Variants in MTCL2 observed in about 807,000 individuals in gnomAD.
The protein encoded by MTCL2 is microtubule cross-linking factor 2.
chr20:36,832,949 C>A, the MTCL2 span, among the ~76,000 whole-genome samples: 1 of 152,190 alleles, frequency 6.6e-6, no homozygotes, highest in African/African-American at 2.4e-5. Context: ...TGGTCCTGGG[C>A]CCCCTCGGCC....
the MTCL2 span, among the ~76,000 whole-genome samples, chr20:36,852,112 A>C: frequency 6.6e-6 from 1 of 152,144 alleles, no homozygotes; most frequent in Non-Finnish European, 1.5e-5. Flanking sequence ...AGACCAACCC[A>C]GAAGAATGAC....
the MTCL2 span, chr20:36,797,036 G>A: frequency 1.8e-4 from 219 of 1,207,856 alleles, no homozygotes; most frequent in African/African-American, 2.8e-4. Flanking sequence ...CCCGACCTCA[G>A]TGCTTGAATC....
the MTCL2 span, chr20:36,812,827 G>A: frequency 6.2e-7 from 1 of 1,612,492 alleles, no homozygotes; most frequent in East Asian, 2.2e-5. Flanking sequence ...ATTCCGGCAG[G>A]TCCCTGAAGT....
the MTCL2 span, chr20:36,810,163 A>G: frequency 6.5e-7 from 1 of 1,532,196 alleles, no homozygotes; most frequent in South Asian, 1.2e-5. Flanking sequence ...GAAGAAGTGG[A>G]TAGAAATTGT....
At chr20:36,839,115 A>G in the MTCL2 span, 1 of 1,063,186 alleles carries the variant, frequency 9.4e-7, no homozygotes, top group Non-Finnish European at 1.4e-6. This position sits in a 1 kb window ranked among gnomAD's most constrained non-coding sequence, Gnocchi z 5.1. Context: ...AGGTGGTAGA[A>G]CTTGGCCATG....
chr20:36,812,239 C>A, the MTCL2 span, among the ~76,000 whole-genome samples: 3 of 152,184 alleles, frequency 2.0e-5, no homozygotes, highest in African/African-American at 7.2e-5. Flanking sequence ...TATGGCTTTT[C>A]ATGTATTTAA....
At chr20:36,811,945 GA>G in the MTCL2 span, among the ~76,000 whole-genome samples, 1 of 152,200 alleles carries the variant, frequency 6.6e-6, no homozygotes, top group Non-Finnish European at 1.5e-5. Flanking sequence ...TCATTATGAA[GA>G]GCAAGGAGAA....
the MTCL2 span, among the ~76,000 whole-genome samples, chr20:36,853,117 C>T: frequency 4.2e-3 from 640 of 151,882 alleles, 8 homozygotes; most frequent in African/African-American, 0.015. Flanking sequence ...CTGGCATCAC[C>T]GTGCCACATG....
chr20:36,798,778 C>T, the MTCL2 span, among the ~76,000 whole-genome samples: 1 of 152,144 alleles, frequency 6.6e-6, no homozygotes, highest in African/African-American at 2.4e-5. Flanking sequence ...TGACTCCATC[C>T]GTTAACAAAT....
chr20:36,846,207 A>G, the MTCL2 span, among the ~76,000 whole-genome samples: 1 of 145,522 alleles, frequency 6.9e-6, no homozygotes, highest in East Asian at 2.0e-4. Flanking sequence ...CTGTGTCTCA[A>G]AAAAAAAAAA....
chr20:36,815,610 C>G, the MTCL2 span: 2 of 1,597,382 alleles, frequency 1.3e-6, no homozygotes, highest in East Asian at 2.3e-5. This position sits in a 1 kb window ranked among gnomAD's most constrained non-coding sequence, Gnocchi z 5.3. Context: ...GGGCCGCGTA[C>G]TCTGGCAGGA....
the MTCL2 span, chr20:36,802,866 C>T: frequency 1.6e-5 from 26 of 1,577,972 alleles, no homozygotes; most frequent in East Asian, 2.5e-4. Context: ...CTGGCTTAGG[C>T]GGTTCTGCAG....
At chr20:36,862,995 G>T in the MTCL2 span, 1 of 1,406,902 alleles carries the variant, frequency 7.1e-7, no homozygotes, top group Non-Finnish European at 9.3e-7. Context: ...GCTGCTATCC[G>T]TGAGGCTGGG....
the MTCL2 span, chr20:36,839,342 G>T: frequency 1.2e-6 from 2 of 1,612,892 alleles, no homozygotes; most frequent in Non-Finnish European, 1.7e-6. This position sits in a 1 kb window ranked among gnomAD's most constrained non-coding sequence, Gnocchi z 5.1. Context: ...TTGCTGGCCT[G>T]GTCCAGCTGC....
chr20:36,857,805 G>T, the MTCL2 span, among the ~76,000 whole-genome samples: 1 of 152,182 alleles, frequency 6.6e-6, no homozygotes, highest in Non-Finnish European at 1.5e-5. Flanking sequence ...TTGAATGAAT[G>T]AATGAATGCC....
the MTCL2 span, among the ~76,000 whole-genome samples, chr20:36,814,706 G>A: frequency 6.6e-6 from 1 of 152,160 alleles, no homozygotes; most frequent in Admixed American, 6.6e-5. Context: ...GGCCAACATG[G>A]TGAAACCCCA....
At chr20:36,813,848 G>A in the MTCL2 span, among the ~76,000 whole-genome samples, 2 of 150,890 alleles carry the variant, frequency 1.3e-5, no homozygotes, top group Non-Finnish European at 2.9e-5. Context: ...CCATTGCTCT[G>A]AGGATGAAGA....
chr20:36,807,855 G>T, the MTCL2 span, among the ~76,000 whole-genome samples: 10 of 135,734 alleles, frequency 7.4e-5, no homozygotes, highest in East Asian at 2.6e-4. Context: ...CCAACATGGA[G>T]AAACCCTGTC....
the MTCL2 span, among the ~76,000 whole-genome samples, chr20:36,844,110 C>T: frequency 2.0e-5 from 3 of 152,022 alleles, no homozygotes; most frequent in African/African-American, 7.3e-5. Context: ...GTGGTGCACG[C>T]CTGTAATCCC....
Sources: allele counts gnomAD v4.1 joint callset (sites outside exome capture counted in the v4.1 genomes callset), GRCh38; gene constraint gnomAD v4.1.1; non-coding constraint Gnocchi (gnomAD v3.1); transcripts MANE v1.5; gene names NCBI Gene and HGNC (gene_info 2026-07-23, HGNC 2026-07-21).